The following MTX3 variants were observed in gnomAD, a reference collection of about 807,000 sequenced individuals.
MTX3 encodes the protein metaxin-3.
MTX3 carries 27 observed loss-of-function variants against 42.5 expected under a neutral mutation model. That is an observed-to-expected ratio of 0.64 (90% confidence interval 0.47 to 0.88). The LOEUF is 0.88. Ranked by LOEUF, MTX3 falls within the 40% of genes least tolerant of loss-of-function variation. MTX3 has a pLI of 0.00. For synonymous variants in MTX3, 144 were observed against 132.9 expected, an observed-to-expected ratio of 1.08 and a Z score of -0.57; for missense variants, 378 against 367.0, an observed-to-expected ratio of 1.03 and a Z score of -0.25.
chr5:79,990,103 C>A, intron 3 of MTX3, 57 bp downstream of exon 3: 1 of 1,031,028 alleles, frequency 9.7e-7, no homozygotes, highest in Non-Finnish European at 1.4e-6. Context: ...TAAAATAAAG[C>A]CCAACATGCA....
At chr5:79,989,466 T>G (rs2151143588) in intron 3 of MTX3, among the ~76,000 whole-genome samples, 1 of 152,292 alleles carries the variant, frequency 6.6e-6, no homozygotes, top group East Asian at 1.9e-4. Flanking sequence ...GTTACAATAT[T>G]AACTACTATT....
chr5:79,984,786 T>C (rs1258596407), intron 8 of MTX3, among the ~76,000 whole-genome samples: 2 of 151,932 alleles, frequency 1.3e-5, no homozygotes, highest in Non-Finnish European at 2.9e-5. Flanking sequence ...TGGCAAAATA[T>C]CTACACTGGT....
At chr5:79,988,689 A>T in intron 4 of MTX3, 45 bp from the exon 5 acceptor site, 2 of 1,458,822 alleles carry the variant, frequency 1.4e-6, no homozygotes, top group Non-Finnish European at 9.2e-7. Flanking sequence ...TCTTTTATTA[A>T]ATGAAAGATC....
intron 7 of MTX3, among the ~76,000 whole-genome samples, chr5:79,986,129 C>T (rs2151141743): frequency 6.6e-6 from 1 of 152,078 alleles, no homozygotes; most frequent in Non-Finnish European, 1.5e-5. Flanking sequence ...AGGATTGATG[C>T]CTAAAAGATT....
chr5:79,982,751 A>G lies in MTX3; in HGVS notation c.*933T>C, dbSNP rs1284225411. ...GAAAGAATATGCATCTTATGAAAGAATATGAGCCAAGCATAGAAAACTTGG... is the reference window on the plus strand; with the variant it reads ...GAAAGAATATGCATCTTATGAAAGAGTATGAGCCAAGCATAGAAAACTTGG... On this transcript the variant is annotated 3_prime_UTR_variant, in exon 9 of 9. Transcript: ENST00000512528. 1 of 211,046 alleles carries G rather than the reference A, an allele frequency of 4.7e-6. No homozygotes were observed. Among genetic ancestry groups the G allele is most frequent in the Admixed American group, 5.4e-5 (1 of 18,378 alleles). 13.1% of individuals were successfully genotyped at this position (211,046 alleles called of 1,614,324 possible). A position where few individuals can be genotyped will look rare whatever the true frequency, so the allele number is the denominator to read the frequency against.
chr5:79,986,761 T>G lies in MTX3; in HGVS notation c.739+189A>C. 3 of 602,884 alleles carry G rather than the reference T, an allele frequency of 5.0e-6. No homozygotes were observed. In the South Asian group the frequency reaches 5.7e-5, roughly 11 times the overall value. 37.3% of individuals were successfully genotyped at this position (602,884 alleles called of 1,614,324 possible). On this transcript the variant is annotated intron_variant, in intron 7 of 8. Coordinates refer to ENST00000512528, the MANE Select transcript of MTX3 (RefSeq NM_001363818.2). ...GAATAGATAAAAGGCAAATATCTAT[T>G]TATCTATTTAAATAAGAACTAACAT...
At position 79,982,655 on chromosome 5, in the gene MTX3, C is replaced by T. The variant is rs766280372; in HGVS notation, c.*1029G>A. On this transcript the variant is annotated 3_prime_UTR_variant, in exon 9 of 9. Transcript: ENST00000512528. ...TTTCTGATTGTTCCTTTGTATTCTT[C>T]GACTATAAGTGAAACATATGAAAAA... 26 of 221,478 alleles carry T rather than the reference C, an allele frequency of 1.2e-4. No individual in the cohort carries two copies. Among genetic ancestry groups the T allele is most frequent in the Non-Finnish European group, 2.2e-4 (24 of 107,740 alleles). The allele number at this position is 221,478 out of a possible 1,614,324, so 13.7% of individuals were successfully genotyped here. A position where few individuals can be genotyped will look rare whatever the true frequency, so the allele number is the denominator to read the frequency against.
chr5:79,986,938 G>C lies in MTX3; in HGVS notation c.739+12C>G. The C allele has an allele frequency of 6.2e-7, 1 of 1,609,158 alleles. No individual in the cohort carries two copies. On this transcript the variant is annotated intron_variant, in intron 7 of 8. Coordinates refer to ENST00000512528, the MANE Select transcript of MTX3 (RefSeq NM_001363818.2). Reference sequence around the variant, plus strand: ...ATGCAAACAAACATTAGCTGAAAAAGAGCCAGCTTACCTCCAAGACTAAGC... The same window carrying C: ...ATGCAAACAAACATTAGCTGAAAAACAGCCAGCTTACCTCCAAGACTAAGC...
In MTX3 at chr5:79,983,559, A is replaced by T. The variant is rs1354400057; in HGVS notation, c.*125T>A. The T allele has an allele frequency of 9.9e-6, 7 of 703,586 alleles. No individual in the cohort carries two copies. In the East Asian group the frequency reaches 1.9e-4, roughly 19 times the overall value. The allele number at this position is 703,586 out of a possible 1,614,324, so 43.6% of individuals were successfully genotyped here. On this transcript the variant is annotated 3_prime_UTR_variant, in exon 9 of 9. Transcript: ENST00000512528. ...ATAATAGTAAAAATAGATGGCATAG[A>T]AAGTTCCTTTTGGTTTAGAGTCTTC...
At position 79,987,011 on chromosome 5, in the gene MTX3, G is replaced by A; in HGVS notation, c.678C>T (p.Leu226=). 1 of 1,613,960 alleles carries A rather than the reference G, an allele frequency of 6.2e-7. No homozygotes were observed. The highest frequency in any genetic ancestry group is 8.5e-7 in the Non-Finnish European group (1 of 1,179,872). Reference sequence around the variant, plus strand: ...CATCACAAAAGCGACAGAGGTTGGAGAGCTGTTTCAGATGTTCTTGTAGCT... The same window carrying A: ...CATCACAAAAGCGACAGAGGTTGGAAAGCTGTTTCAGATGTTCTTGTAGCT... ...KVQLQEHLKQ[L]SNLCRFCDDI... is the part of the protein sequence containing the mutation. The change falls in exon 7 of 9, where the codon CTC becomes CTT. Residue 226 remains leucine (L), a synonymous_variant. Coordinates refer to ENST00000512528, the MANE Select transcript of MTX3 (RefSeq NM_001363818.2).
intron 6 of MTX3, among the ~76,000 whole-genome samples, chr5:79,987,640 A>G (rs1001911499): frequency 1.3e-5 from 2 of 152,170 alleles, no homozygotes; most frequent in African/African-American, 4.8e-5. Context: ...CTTAGACTCT[A>G]GGAGAAAATG....
chr5:79,989,356 T>C, intron 3 of MTX3, 112 bp from the exon 4 acceptor site: 1 of 657,810 alleles, frequency 1.5e-6, no homozygotes, highest in Non-Finnish European at 2.6e-6. Flanking sequence ...AAACGTGGTA[T>C]TAAAATGGGA....
Position 79,980,787 on chromosome 5 carries a change from C to T in MTX3, c.*2897G>A, listed in dbSNP as rs564221273. 6.6e-6 allele frequency: 1 copy of T among 152,200 alleles called. No individual in the cohort carries two copies. Among genetic ancestry groups the T allele is most frequent in the Non-Finnish European group, 1.5e-5 (1 of 68,058 alleles). The allele number at this position is 152,200 out of a possible 1,614,324, so 9.4% of individuals were successfully genotyped here. A position where few individuals can be genotyped will look rare whatever the true frequency, so the allele number is the denominator to read the frequency against. On this transcript the variant is annotated 3_prime_UTR_variant, in exon 9 of 9. Coordinates refer to ENST00000512528, the MANE Select transcript of MTX3 (RefSeq NM_001363818.2). Reference sequence around the variant, plus strand: ...TGGACCATTTATCCCAATGAACTCACTCAAACTTTATCTAAAACATATCAT... The same window carrying T: ...TGGACCATTTATCCCAATGAACTCATTCAAACTTTATCTAAAACATATCAT...
chr5:79,986,837 C>A, intron 7 of MTX3, 113 bp downstream of exon 7: 10 of 979,448 alleles, frequency 1.0e-5, no homozygotes, highest in Non-Finnish European at 1.4e-5. Context: ...TGCTATAAAC[C>A]ACTATTTAAA....
intron 3 of MTX3, 113 bp downstream of exon 3, chr5:79,990,047 A>T: frequency 1.9e-6 from 1 of 529,920 alleles, no homozygotes; most frequent in Non-Finnish European, 3.3e-6. Flanking sequence ...ATCTTGTCCC[A>T]GGTATCTCCA....
Position 79,989,210 on chromosome 5 carries a change from T to C in MTX3, c.263A>G (p.Gln88Arg). 14 of 1,607,964 alleles carry C rather than the reference T, an allele frequency of 8.7e-6. No individual in the cohort carries two copies. Among genetic ancestry groups the C allele is most frequent in the Non-Finnish European group, 1.1e-5 (13 of 1,177,042 alleles). Reference protein sequence around the residue: ...YNADYELSAKQGADTLAYIAL... With the variant: ...YNADYELSAKRGADTLAYIAL... ...AATATAAGCCAATGTATCTGCCCCT[T>C]GTTTTGCTGAGAGTTCATAATCAGC... is the stretch of plus-strand genomic sequence containing the variant. The change falls in exon 4 of 9, where the codon CAA becomes CGA. Residue 88 changes from glutamine to arginine, a missense_variant. Coordinates refer to ENST00000512528, the MANE Select transcript of MTX3 (RefSeq NM_001363818.2).
chr5:79,990,165 T>C lies in MTX3; in HGVS notation c.223A>G (p.Lys75Glu). ...CTTCAAAGTGAACCACCCACCTGTT[T>C]TCTTAAAAAGTTTAGTATTTTTGCT... is the stretch of plus-strand genomic sequence containing the variant. ...QPAKILNFLR[K>E]QKYNADYELS... The change falls in exon 3 of 9, where the codon AAA becomes GAA. Residue 75 changes from lysine to glutamate, a missense_variant. Lys to Glu is a moderately conservative substitution (Grantham distance 56). Coordinates refer to ENST00000512528, the MANE Select transcript of MTX3 (RefSeq NM_001363818.2). The C allele has an allele frequency of 6.2e-7, 1 of 1,606,254 alleles. No homozygotes were observed. The highest frequency in any genetic ancestry group is 8.5e-7 in the Non-Finnish European group (1 of 1,175,496).
At chr5:79,989,032 T>A in intron 4 of MTX3, 120 bp downstream of exon 4, 1 of 641,626 alleles carries the variant, frequency 1.6e-6, no homozygotes, top group Non-Finnish European at 2.6e-6. Flanking sequence ...TATGAAGGAA[T>A]TAAGATTAAC....
In MTX3 at chr5:79,987,106, G is replaced by A; in HGVS notation, c.583C>T (p.Pro195Ser). The A allele has an allele frequency of 1.2e-6, 2 of 1,612,834 alleles. No individual in the cohort carries two copies. The highest frequency in any genetic ancestry group is 1.7e-6 in the Non-Finnish European group (2 of 1,179,490). ...GTSQFFFGDTPSTLDAYVFGF... is the reference protein window; with the variant it reads ...GTSQFFFGDTSSTLDAYVFGF... ...AAAACATAGGCATCCAAGGTAGAAGGCCTAGAAATAAATTAAGGATTTTTA... is the reference window on the plus strand; with the variant it reads ...AAAACATAGGCATCCAAGGTAGAAGACCTAGAAATAAATTAAGGATTTTTA... The change falls in exon 7 of 9, where the codon CCT (proline) becomes TCT (serine). Residue 195 changes from proline (P) to serine (S), a missense_variant and splice_region_variant. Pro to Ser is a moderately conservative substitution (Grantham distance 74). Coordinates refer to ENST00000512528, the MANE Select transcript of MTX3 (RefSeq NM_001363818.2).
Sources: allele counts gnomAD v4.1 joint callset (sites outside exome capture counted in the v4.1 genomes callset), GRCh38; gene constraint gnomAD v4.1.1; transcripts MANE v1.5; gene names NCBI Gene and HGNC (gene_info 2026-07-23, HGNC 2026-07-21).